Variants in PGBD5 observed in about 807,000 individuals in gnomAD.
PGBD5 encodes the protein piggyBac transposable element derived 5, also known as piggyBac transposable element-derived protein 5.
PGBD5 carries 14 observed loss-of-function variants against 47.9 expected under a neutral mutation model. That is an observed-to-expected ratio of 0.29 (90% CI 0.19 to 0.46). PGBD5 has a LOEUF of 0.46. PGBD5 is among the 20% of genes least tolerant of loss of function. PGBD5 has a pLI of 1.00. For missense variants in PGBD5, 635 were observed against 716.0 expected, an observed-to-expected ratio of 0.89 and a Z score of 1.29; for synonymous variants, 316 against 306.3, an observed-to-expected ratio of 1.03 and a Z score of -0.33.
At chr1:230,424,965 CG>C (rs1038504797) in intron 1 of PGBD5, among the ~76,000 whole-genome samples, 2 of 152,146 alleles carry the variant, frequency 1.3e-5, no homozygotes, top group Non-Finnish European at 2.9e-5. Context: ...TACCTTCTGG[CG>C]GAAAAGCAAG....
intron 1 of PGBD5, among the ~76,000 whole-genome samples, chr1:230,383,122 T>G (rs1019921040): frequency 1.3e-5 from 2 of 152,208 alleles, no homozygotes; most frequent in African/African-American, 4.8e-5. Flanking sequence ...CAGGCCAGTG[T>G]GCAGTGGAGC....
At chr1:230,365,937 C>T (rs1667824223) in intron 1 of PGBD5, among the ~76,000 whole-genome samples, 1 of 152,224 alleles carries the variant, frequency 6.6e-6, no homozygotes, top group African/African-American at 2.4e-5. Flanking sequence ...TCAATGTAAA[C>T]AGCAAGATAA....
chr1:230,411,225 G>A (rs914502129), intron 1 of PGBD5, among the ~76,000 whole-genome samples: 9 of 152,240 alleles, frequency 5.9e-5, no homozygotes, highest in Non-Finnish European at 1.2e-4. Flanking sequence ...AAAGGCTGCA[G>A]TGTGCCATGA....
chr1:230,322,485 A>G lies in PGBD5; in HGVS notation c.*940T>C, dbSNP rs1206115334. ...ATGCTACTTATTTTTCAAGACAAGT[A>G]ATTCTGCCAATGATGACATCTGCGA... On this transcript the variant is annotated 3_prime_UTR_variant, in exon 7 of 7. Coordinates refer to ENST00000391860, the MANE Select transcript of PGBD5 (RefSeq NM_001258311.2). The surrounding 1 kb of genome is among the most constrained non-coding windows in gnomAD (Gnocchi z 5.9). 6.6e-6 allele frequency: 1 copy of G among 152,544 alleles called. No homozygotes were observed. Among genetic ancestry groups the G allele is most frequent in the Non-Finnish European group, 1.5e-5 (1 of 68,050 alleles). The allele number at this position is 152,544 out of a possible 1,614,324, so 9.4% of individuals were successfully genotyped here. A position where few individuals can be genotyped will look rare whatever the true frequency, so the allele number is the denominator to read the frequency against.
At chr1:230,395,911 C>CCT (rs146566355) in intron 1 of PGBD5, among the ~76,000 whole-genome samples, 2,540 of 45,034 alleles carry the variant, frequency 0.056, 415 homozygotes, top group African/African-American at 0.095. Flanking sequence ...CTCCTCCCCT[C>CCT]CTCACGCTCC....
chr1:230,397,703 T>C (rs1203489143), intron 1 of PGBD5, among the ~76,000 whole-genome samples: 1 of 152,236 alleles, frequency 6.6e-6, no homozygotes, highest in African/African-American at 2.4e-5. Flanking sequence ...GCCTGTGACT[T>C]AAGATGGTGA....
At chr1:230,418,089 C>T (rs1280164588) in intron 1 of PGBD5, among the ~76,000 whole-genome samples, 1 of 152,178 alleles carries the variant, frequency 6.6e-6, no homozygotes, top group African/African-American at 2.4e-5. Context: ...GTGCTCAGGA[C>T]AGCCCCCCAC....
chr1:230,420,091 A>C (rs893316061), intron 1 of PGBD5, among the ~76,000 whole-genome samples: 1 of 152,122 alleles, frequency 6.6e-6, no homozygotes, highest in African/African-American at 2.4e-5. Context: ...GTGCCATTGC[A>C]CTCCAGCCTG....
chr1:230,364,420 G>A (rs1005305529), intron 1 of PGBD5, among the ~76,000 whole-genome samples: 1 of 152,234 alleles, frequency 6.6e-6, no homozygotes, highest in Non-Finnish European at 1.5e-5. Flanking sequence ...GACATCTGAA[G>A]CTGCTAACCA....
At chr1:230,362,250 G>A in intron 1 of PGBD5, 1 of 1,361,628 alleles carries the variant, frequency 7.3e-7, no homozygotes, top group Non-Finnish European at 9.8e-7. Flanking sequence ...CTGGGATTTA[G>A]CTTCCTCTAC....
Position 230,357,098 on chromosome 1 carries a change from GA to G in PGBD5, c.554del (p.Val185AlafsTer19). The G allele has an allele frequency of 6.2e-7, 1 of 1,614,202 alleles. No individual in the cohort carries two copies. The highest frequency in any genetic ancestry group is 8.5e-7 in the Non-Finnish European group (1 of 1,180,036). On this transcript the variant is annotated frameshift_variant, in exon 2 of 7. Coordinates refer to ENST00000391860, the MANE Select transcript of PGBD5 (RefSeq NM_001258311.2). LOFTEE classifies it high-confidence loss of function. The surrounding 1 kb of genome is among the most constrained non-coding windows in gnomAD (Gnocchi z 5.7). The part of the protein sequence containing the change: ...ISTSISHCES[V>X]LSIWSGGFYS... ...AGAAGCCTCCGCTCCAGATGCTGAG[GA>G]CGGACTCGCAGTGGGAGATGCTGGT...
In PGBD5 at chr1:230,423,921, T is replaced by G. The variant is rs554303330; in HGVS notation, c.331+1677A>C. On this transcript the variant is annotated intron_variant, in intron 1 of 6. Transcript: ENST00000391860. Reference sequence around the variant, plus strand: ...ACCGTAAGTGCTGCGGTGGCTGGATTAAATGGCTCTGCTGCAGAATTTCTC... The same window carrying G: ...ACCGTAAGTGCTGCGGTGGCTGGATGAAATGGCTCTGCTGCAGAATTTCTC... 2.8e-4 allele frequency among the ~76,000 whole-genome samples: 43 copies of G among 152,322 alleles called. 1 individual carries two copies. The highest frequency in any genetic ancestry group is 1.9e-3 in the South Asian group (9 of 4,816).
chr1:230,419,210 T>TGGAACACCAC (rs1258304647), intron 1 of PGBD5, among the ~76,000 whole-genome samples: 4 of 118,408 alleles, frequency 3.4e-5, no homozygotes, highest in Non-Finnish European at 6.9e-5. Context: ...ACATACACCA[T>TGGAACACCAC]GGAACACCAC....
intron 2 of PGBD5, among the ~76,000 whole-genome samples, chr1:230,355,994 T>C (rs985967589): frequency 1.3e-5 from 2 of 152,138 alleles, no homozygotes; most frequent in African/African-American, 4.8e-5. Flanking sequence ...TACAAGAGAA[T>C]GGCAACAAGA....
At chr1:230,421,810 C>T (rs1476379310) in intron 1 of PGBD5, among the ~76,000 whole-genome samples, 1 of 152,166 alleles carries the variant, frequency 6.6e-6, no homozygotes, top group Non-Finnish European at 1.5e-5. Context: ...GAATCCTGTA[C>T]AGAGCTAAAG....
At chr1:230,337,622 A>G (rs1667347586) in intron 3 of PGBD5, among the ~76,000 whole-genome samples, 1 of 152,244 alleles carries the variant, frequency 6.6e-6, no homozygotes, top group South Asian at 2.1e-4. Flanking sequence ...ATAAAATTAA[A>G]GGCAACCTCA....
At chr1:230,414,950 G>A (rs1657484074) in intron 1 of PGBD5, among the ~76,000 whole-genome samples, 2 of 152,202 alleles carry the variant, frequency 1.3e-5, no homozygotes. Flanking sequence ...GGTGGAAGAT[G>A]TCACCTTCCC....
chr1:230,325,485 A>G (rs941062382), intron 5 of PGBD5, 70 bp from the exon 6 acceptor site: 1 of 1,106,258 alleles, frequency 9.0e-7, no homozygotes, highest in Non-Finnish European at 1.4e-6. Flanking sequence ...AAATGTGCCT[A>G]TCTTCGTCCA....
intron 1 of PGBD5, among the ~76,000 whole-genome samples, chr1:230,412,545 C>T (rs1657433955): frequency 6.6e-6 from 1 of 152,052 alleles, no homozygotes; most frequent in African/African-American, 2.4e-5. Context: ...CCCACCACCA[C>T]ACCTGGCTAA....
Sources: gnomAD v4.1 joint callset for allele counts (sites outside exome capture counted in the v4.1 genomes callset) on GRCh38, gnomAD v4.1.1 for gene constraint, Gnocchi (gnomAD v3.1) non-coding constraint, MANE v1.5 for transcripts, NCBI Gene and HGNC (gene_info 2026-07-23, HGNC 2026-07-21) for gene names.